The following SLC41A3 variants were observed in gnomAD, a reference collection of about 807,000 sequenced individuals.
SLC41A3 encodes the protein solute carrier family 41 member 3.
In SLC41A3, 44 loss-of-function variants were observed where a neutral mutation model predicts 45.4. The ratio of observed to expected loss-of-function variants is 0.97; its 90% CI spans 0.76 to 1.25. SLC41A3 has a LOEUF of 1.25. SLC41A3 is among the 50% of genes most tolerant of loss of function. The probability of loss-of-function intolerance (pLI) is 0.00; values close to 1 mark genes in which losing one functional copy is unlikely to be tolerated. For synonymous variants in SLC41A3, 256 were observed against 252.4 expected, an observed-to-expected ratio of 1.01 and a Z score of -0.13; for missense variants, 550 against 600.6, an observed-to-expected ratio of 0.92 and a Z score of 0.88.
intron 10 of SLC41A3, 65 bp downstream of exon 10, chr3:126,008,667 C>G: frequency 6.3e-7 from 1 of 1,590,766 alleles, no homozygotes; most frequent in Non-Finnish European, 8.6e-7. Flanking sequence ...CTCACTCAGA[C>G]AAGAGATCAA....
At chr3:126,028,149 A>T (rs1411649936) in intron 4 of SLC41A3, among the ~76,000 whole-genome samples, 1 of 152,238 alleles carries the variant, frequency 6.6e-6, no homozygotes, top group African/African-American at 2.4e-5. Context: ...TTACATAAAT[A>T]AAAAGGAGCC....
chr3:126,067,675 C>A, intron 2 of SLC41A3: 1 of 535,556 alleles, frequency 1.9e-6, no homozygotes, highest in Non-Finnish European at 3.4e-6. Flanking sequence ...AGTTGTTAAA[C>A]TTCAAAGTAC....
At chr3:126,016,681 C>T in intron 7 of SLC41A3, 50 bp downstream of exon 7, 1 of 1,570,644 alleles carries the variant, frequency 6.4e-7, no homozygotes, top group South Asian at 1.2e-5. Context: ...TTCTAGGGGC[C>T]TTCATGGCTG....
chr3:126,058,999 C>A (rs754726292), intron 2 of SLC41A3, among the ~76,000 whole-genome samples: 1 of 151,798 alleles, frequency 6.6e-6, no homozygotes, highest in Non-Finnish European at 1.5e-5. Context: ...TTCCTGAAGA[C>A]AGGTCCCACT....
At chr3:126,039,453 G>A (rs1043028147) in intron 3 of SLC41A3, among the ~76,000 whole-genome samples, 1 of 152,206 alleles carries the variant, frequency 6.6e-6, no homozygotes, top group Non-Finnish European at 1.5e-5. Flanking sequence ...CTGAGATTGT[G>A]CATTTTGAGG....
intron 3 of SLC41A3, among the ~76,000 whole-genome samples, chr3:126,047,288 G>T (rs1388112853): frequency 6.6e-6 from 1 of 152,108 alleles, no homozygotes; most frequent in African/African-American, 2.4e-5. Context: ...ACTTGAGCCT[G>T]GGAGGCAGAG....
chr3:126,071,175 T>C (rs1292089092), intron 1 of SLC41A3, among the ~76,000 whole-genome samples: 2 of 152,156 alleles, frequency 1.3e-5, no homozygotes, highest in East Asian at 1.9e-4. Context: ...TAAGTATAAA[T>C]GGATAGGTTG....
chr3:126,007,643 C>T (rs1327742228), intron 10 of SLC41A3, among the ~76,000 whole-genome samples: 1 of 152,210 alleles, frequency 6.6e-6, no homozygotes, highest in Non-Finnish European at 1.5e-5. Context: ...CAAGCCTGCT[C>T]AGGTCTCATG....
chr3:126,020,545 A>G (rs1940754991), intron 6 of SLC41A3, among the ~76,000 whole-genome samples: 1 of 152,174 alleles, frequency 6.6e-6, no homozygotes, highest in Admixed American at 6.5e-5. Flanking sequence ...AACCAAAAAC[A>G]AAATTCGAAG....
At chr3:126,077,446 T>C (rs529858142) in intron 1 of SLC41A3, among the ~76,000 whole-genome samples, 2 of 152,262 alleles carry the variant, frequency 1.3e-5, no homozygotes, top group African/African-American at 4.8e-5. Context: ...TATTCCAAAA[T>C]AATCAGTGCA....
At chr3:126,028,225 C>A (rs548843882) in intron 4 of SLC41A3, among the ~76,000 whole-genome samples, 2 of 152,334 alleles carry the variant, frequency 1.3e-5, no homozygotes, top group South Asian at 4.1e-4. Flanking sequence ...ATTGGCAGCC[C>A]CTCCCCTCAC....
intron 2 of SLC41A3, among the ~76,000 whole-genome samples, chr3:126,054,732 C>T (rs1383491054): frequency 6.6e-6 from 1 of 152,032 alleles, no homozygotes; most frequent in Non-Finnish European, 1.5e-5. Flanking sequence ...TGACTGCTCC[C>T]TCTTCCTTCA....
intron 2 of SLC41A3, among the ~76,000 whole-genome samples, chr3:126,053,390 A>G (rs908003523): frequency 7.7e-4 from 117 of 152,278 alleles, no homozygotes; most frequent in African/African-American, 2.7e-3. Context: ...TGCGGAAAAA[A>G]ATCAGTTTCT....
chr3:126,074,073 T>C (rs915969686), intron 1 of SLC41A3, among the ~76,000 whole-genome samples: 3 of 151,960 alleles, frequency 2.0e-5, no homozygotes, highest in South Asian at 2.1e-4. Context: ...AATAGAATAA[T>C]GGGGAGAAAA....
chr3:126,078,800 G>A (rs1945003996), intron 1 of SLC41A3, among the ~76,000 whole-genome samples: 1 of 152,064 alleles, frequency 6.6e-6, no homozygotes, highest in South Asian at 2.1e-4. Flanking sequence ...CCTCTCTCCT[G>A]CCTCCTCAGT....
chr3:126,079,736 TA>T (rs1379827014), intron 1 of SLC41A3, among the ~76,000 whole-genome samples: 4 of 152,178 alleles, frequency 2.6e-5, no homozygotes, highest in Non-Finnish European at 5.9e-5. Context: ...AAAACAATTC[TA>T]AAATTTATAT....
chr3:126,007,232 GA>G lies in SLC41A3; in HGVS notation c.1255-8del. The G allele has an allele frequency of 6.2e-7, 1 of 1,613,218 alleles. No homozygotes were observed. The highest frequency in any genetic ancestry group is 8.5e-7 in the Non-Finnish European group (1 of 1,179,478). ...GGTACAGCAGGATTGTCACCTGTCAGAAGGGCAAAGAGACACAAAAGAAGAC... is the reference window on the plus strand; with the variant it reads ...GGTACAGCAGGATTGTCACCTGTCAGAGGGCAAAGAGACACAAAAGAAGAC... On this transcript the variant is annotated splice_region_variant and splice_polypyrimidine_tract_variant and intron_variant, in intron 10 of 10. Transcript: ENST00000360370.
chr3:126,053,180 C>T (rs1943451346), intron 2 of SLC41A3, among the ~76,000 whole-genome samples: 1 of 152,168 alleles, frequency 6.6e-6, no homozygotes, highest in Admixed American at 6.5e-5. Flanking sequence ...TTTGGAGAGA[C>T]TGTCTTTAAT....
chr3:126,084,212 G>C (rs1355462297), upstream of SLC41A3: 1 of 151,990 alleles, frequency 6.6e-6, no homozygotes, highest in Admixed American at 6.5e-5. Context: ...CCGGGCGGCC[G>C]GACCTCGGAC....
Sources: allele counts gnomAD v4.1 joint callset (sites outside exome capture counted in the v4.1 genomes callset), GRCh38; gene constraint gnomAD v4.1.1; transcripts MANE v1.5; gene names NCBI Gene and HGNC (gene_info 2026-07-23, HGNC 2026-07-21).